COL6A2: variants seen among roughly 807,000 people sequenced by gnomAD.
The protein encoded by COL6A2 is collagen type VI alpha 2 chain.
A neutral mutation model predicts 124.9 loss-of-function variants in COL6A2; 90 were observed. The ratio of observed to expected loss-of-function variants is 0.72; its 90% CI spans 0.61 to 0.86. COL6A2 has a LOEUF of 0.86. Ranked by LOEUF, COL6A2 falls within the 40% of genes least tolerant of loss-of-function variation. The pLI is 0.00. For missense variants in COL6A2, 1,607 were observed against 1,502.5 expected (o/e 1.07, Z -1.15); for synonymous variants, 793 against 618.2 (o/e 1.28, Z -4.19).
At chr21:46,127,346 A>G (rs2078687755) in intron 27 of COL6A2, among the ~76,000 whole-genome samples, 1 of 152,056 alleles carries the variant, frequency 6.6e-6, no homozygotes, top group African/African-American at 2.4e-5. Flanking sequence ...CGGGCGTTCC[A>G]TGGGGAGCTC....
At chr21:46,130,859 C>G (rs1230299130) in intron 27 of COL6A2, among the ~76,000 whole-genome samples, 1 of 152,212 alleles carries the variant, frequency 6.6e-6, no homozygotes, top group Admixed American at 6.5e-5. Flanking sequence ...CACTCATAAG[C>G]TCACTGAGGG....
rs1272516063 is a variant in COL6A2 at position 46,112,176 on chromosome 21, G to A, written c.313G>A (p.Val105Met). ...RYGGLHFSDQVEVFSPPGSDR... is the reference protein window; with the variant it reads ...RYGGLHFSDQMEVFSPPGSDR... ...CGGCGGCCTGCACTTCTCTGACCAG[G>A]TGGAGGTGTTCAGCCCACCGGGCAG... Residue 105 changes from valine to methionine, a missense_variant, in exon 3 of 28, where the codon GTG becomes ATG. Val to Met is a conservative substitution (Grantham distance 21). Coordinates refer to ENST00000300527, the MANE Select transcript of COL6A2 (RefSeq NM_001849.4). 6.2e-7 allele frequency: 1 copy of A among 1,613,004 alleles called. No homozygotes were observed. The highest frequency in any genetic ancestry group is 2.2e-5 in the East Asian group (1 of 44,874).
At chr21:46,129,083 G>A (rs541139706) in intron 27 of COL6A2, 160 of 1,600,202 alleles carry the variant, frequency 1.0e-4, no homozygotes, top group Non-Finnish European at 1.2e-4. Context: ...CTACCGACTC[G>A]CCAGCCCAAA....
intron 25 of COL6A2, 36 bp from the exon 26 acceptor site, chr21:46,125,749 G>A: frequency 6.2e-7 from 1 of 1,606,946 alleles, no homozygotes; most frequent in African/African-American, 1.3e-5. Context: ...CAGACCCCGA[G>A]GCCTCTGGCA....
At chr21:46,115,075 A>G (rs755217279) in intron 5 of COL6A2, among the ~76,000 whole-genome samples, 1 of 152,358 alleles carries the variant, frequency 6.6e-6, no homozygotes, top group African/African-American at 2.4e-5. Flanking sequence ...CCTGGTGGCA[A>G]TGCCGACCCT....
At chr21:46,109,094 T>C (rs903670626) in intron 1 of COL6A2, among the ~76,000 whole-genome samples, 1 of 151,812 alleles carries the variant, frequency 6.6e-6, no homozygotes, top group African/African-American at 2.4e-5. Flanking sequence ...GGTCATCCCA[T>C]TGTCTCTGCA....
chr21:46,118,570 T>A, intron 12 of COL6A2, 44 bp from the exon 13 acceptor site: 1 of 1,603,484 alleles, frequency 6.2e-7, no homozygotes, highest in Non-Finnish European at 8.5e-7. Flanking sequence ...GCACCCCCCT[T>A]CCCCTGCCAA....
At chr21:46,126,348 T>A (rs1375480378) in intron 26 of COL6A2, 111 bp downstream of exon 26, 14 of 1,513,304 alleles carry the variant, frequency 9.3e-6, no homozygotes, top group Non-Finnish European at 1.3e-5. Context: ...CAGCCCAGGA[T>A]CTTGGGCTGT....
intron 27 of COL6A2, chr21:46,129,900 CT>C (rs1259243688): frequency 1.0e-6 from 1 of 984,550 alleles, no homozygotes; most frequent in Admixed American, 5.2e-5. Flanking sequence ...AGCGGCCCAG[CT>C]GGGCTGCCGT....
rs964581297 is a variant in COL6A2 at position 46,122,600 on chromosome 21, C to T, written c.1608+69C>T. 1.6e-5 allele frequency: 25 copies of T among 1,536,216 alleles called. No individual in the cohort carries two copies. The Admixed American group carries it at 3.9e-4, about 24-fold the overall frequency. On this transcript the variant is annotated intron_variant, in intron 20 of 27. Transcript: ENST00000300527. ...TCTGCACGCCCAATTGCTGGGAACA[C>T]AATGCCCACCGTCACTGACAGGACC... is the stretch of plus-strand genomic sequence containing the variant.
chr21:46,117,365 C>CA, intron 10 of COL6A2, 35 bp from the exon 11 acceptor site: 1 of 1,605,826 alleles, frequency 6.2e-7, no homozygotes, highest in Non-Finnish European at 8.5e-7. Flanking sequence ...CCCAGAACCC[C>CA]GCCCTGAGAC....
intron 4 of COL6A2, chr21:46,113,632 C>A: frequency 2.8e-6 from 1 of 357,054 alleles, no homozygotes; most frequent in South Asian, 2.5e-5. Flanking sequence ...ACTATGTTGC[C>A]CAGCCTGGTC....
rs1365386831 is a variant in COL6A2, at chr21:46,115,862, C to T, written c.802-10C>T. 1 of 1,612,768 alleles carries T rather than the reference C, an allele frequency of 6.2e-7. No individual in the cohort carries two copies. The highest frequency in any genetic ancestry group is 1.7e-5 in the Admixed American group (1 of 60,026). ...ACCCTGCCTCGATGTACTCTTTTCT[C>T]TGCTTTTAGGGTGCCAAGGGCAACA... On this transcript the variant is annotated splice_polypyrimidine_tract_variant and intron_variant, in intron 5 of 27. Transcript: ENST00000300527.
Position 46,132,077 on chromosome 21 carries a change from G to A in COL6A2, c.2585G>A (p.Arg862Gln), listed in dbSNP as rs367658663. The change falls in exon 28 of 28, where the codon CGG (arginine) becomes CAG (glutamine). Residue 862 changes from arginine (R) to glutamine (Q), a missense_variant. Physicochemically the swap from Arg to Gln is conservative, Grantham distance 43. Transcript: ENST00000300527. ...CGCTTCGTGGAGCAGGTGGCGCGGC[G>A]GCTGACGCTGGCCCGGAGGGACGAC... is the stretch of plus-strand genomic sequence containing the variant. ...ARRFVEQVAR[R>Q]LTLARRDDDP... 1.6e-4 allele frequency: 261 copies of A among 1,602,096 alleles called. No homozygotes were observed. The highest frequency in any genetic ancestry group is 6.8e-4 in the South Asian group (61 of 90,182).
chr21:46,116,258 C>A lies in COL6A2; in HGVS notation c.901-119C>A. The A allele has an allele frequency of 7.8e-7, 1 of 1,288,526 alleles. No individual in the cohort carries two copies. The highest frequency in any genetic ancestry group is 1.1e-6 in the Non-Finnish European group (1 of 908,368). 79.8% of individuals were successfully genotyped at this position (1,288,526 alleles called of 1,614,324 possible). A position where few individuals can be genotyped will look rare whatever the true frequency, so the allele number is the denominator to read the frequency against. On this transcript the variant is annotated intron_variant, in intron 7 of 27. Coordinates refer to ENST00000300527, the MANE Select transcript of COL6A2 (RefSeq NM_001849.4). The surrounding 1 kb of genome is among the most constrained non-coding windows in gnomAD (Gnocchi z 4.6). ...TCAGCCTCCTCCGCAGACTGTTTGT[C>A]GAGAACACTAGATGCCAGCGGCCCA...
chr21:46,132,638 C>A lies in COL6A2; in HGVS notation c.*86C>A. 7.5e-7 allele frequency: 1 copy of A among 1,327,548 alleles called. No individual in the cohort carries two copies. Among genetic ancestry groups the A allele is most frequent in the Non-Finnish European group, 1.0e-6 (1 of 957,536 alleles). The allele number at this position is 1,327,548 out of a possible 1,614,324, so 82.2% of individuals were successfully genotyped here. A position where few individuals can be genotyped will look rare whatever the true frequency, so the allele number is the denominator to read the frequency against. On this transcript the variant is annotated 3_prime_UTR_variant, in exon 28 of 28. Transcript: ENST00000300527. ...GGGCCCGGGTCCCACACGGCCAGCA[C>A]CGCTGCTCACTCGGACGACGCCCTG... is the stretch of plus-strand genomic sequence containing the variant.
intron 27 of COL6A2, 107 bp downstream of exon 27, chr21:46,126,648 G>A (rs2078674575): frequency 7.3e-6 from 10 of 1,372,438 alleles, no homozygotes; most frequent in Admixed American, 3.7e-5. Flanking sequence ...GACCCGGGGG[G>A]CGGCGGAGCC....
chr21:46,106,312 T>C (rs2078334960), intron 1 of COL6A2, among the ~76,000 whole-genome samples: 3 of 152,198 alleles, frequency 2.0e-5, no homozygotes, highest in African/African-American at 7.2e-5. Flanking sequence ...GATGGTCATA[T>C]GTGGGAGCTC....
At chr21:46,129,821 C>T in intron 27 of COL6A2, 1 of 1,127,882 alleles carries the variant, frequency 8.9e-7, no homozygotes, top group Non-Finnish European at 1.1e-6. Context: ...CAGAGTCCTT[C>T]TTTGCTGCAT....
Sources: gnomAD v4.1 joint callset for allele counts (sites outside exome capture counted in the v4.1 genomes callset) on GRCh38, gnomAD v4.1.1 for gene constraint, Gnocchi (gnomAD v3.1) non-coding constraint, MANE v1.5 for transcripts, NCBI Gene and HGNC (gene_info 2026-07-23, HGNC 2026-07-21) for gene names.